MSH3: variants seen among roughly 807,000 people sequenced by gnomAD.
The protein encoded by MSH3 is mutS homolog 3.
In MSH3, 106 loss-of-function variants were observed where a neutral mutation model predicts 123.3. The ratio of observed to expected loss-of-function variants is 0.86; its 90% CI spans 0.73 to 1.01. The LOEUF is 1.01. Ranked by LOEUF, MSH3 falls within the 50% of genes least tolerant of loss-of-function variation. The probability of loss-of-function intolerance (pLI) is 0.00; values close to 1 mark genes in which losing one functional copy is unlikely to be tolerated. For missense variants in MSH3, 1,459 were observed against 1,347.6 expected, an observed-to-expected ratio of 1.08 and a Z score of -1.29; for synonymous variants, 515 against 481.4, an observed-to-expected ratio of 1.07 and a Z score of -0.91.
intron 2 of MSH3, among the ~76,000 whole-genome samples, chr5:80,658,818 G>C (rs990864960): frequency 1.3e-5 from 2 of 152,012 alleles, no homozygotes; most frequent in Non-Finnish European, 2.9e-5. Flanking sequence ...GATTGGTCTT[G>C]AATTCCTGGT....
intron 12 of MSH3, among the ~76,000 whole-genome samples, chr5:80,754,709 T>C (rs1743893633): frequency 6.6e-6 from 1 of 152,186 alleles, no homozygotes; most frequent in East Asian, 1.9e-4. Context: ...TGTTAGGAAA[T>C]AGATCTTTGA....
intron 20 of MSH3, among the ~76,000 whole-genome samples, chr5:80,830,729 C>A (rs1399037260): frequency 4.6e-5 from 7 of 152,174 alleles, no homozygotes; most frequent in Non-Finnish European, 7.3e-5. Flanking sequence ...AAGGAAAATA[C>A]CTGTGTCCTT....
chr5:80,822,923 A>C (rs888368046), intron 20 of MSH3, among the ~76,000 whole-genome samples: 21 of 152,212 alleles, frequency 1.4e-4, no homozygotes, highest in African/African-American at 4.8e-4. Flanking sequence ...GTGAAAGAAC[A>C]ACCACCAAAT....
At chr5:80,727,017 G>A (rs1226787902) in intron 9 of MSH3, among the ~76,000 whole-genome samples, 1 of 152,238 alleles carries the variant, frequency 6.6e-6, no homozygotes, top group Non-Finnish European at 1.5e-5. Flanking sequence ...CATCAAGTGA[G>A]CGTAAGCGCC....
At chr5:80,676,392 C>T (rs577682386) in intron 7 of MSH3, among the ~76,000 whole-genome samples, 4 of 152,146 alleles carry the variant, frequency 2.6e-5, no homozygotes, top group East Asian at 1.9e-4. Flanking sequence ...TACAGACTTA[C>T]GTGGACTCTG....
In MSH3 at chr5:80,814,556, C is replaced by A. The variant is rs1394392071; in HGVS notation, c.2813+815C>A. On this transcript the variant is annotated intron_variant, in intron 20 of 23. Transcript: ENST00000265081. ...CAAGTGCTGGGATTATAGGCGTGAGCCACCACACCCAGCTGAGTTCTTATT... is the reference window on the plus strand; with the variant it reads ...CAAGTGCTGGGATTATAGGCGTGAGACACCACACCCAGCTGAGTTCTTATT... Among the ~76,000 whole-genome samples the A allele has an allele frequency of 2.6e-5, 4 of 152,226 alleles. No homozygotes were observed. The East Asian group carries it at 7.7e-4, about 29-fold the overall frequency.
chr5:80,771,592 A>AT (rs1744214354), intron 15 of MSH3, among the ~76,000 whole-genome samples: 1 of 152,126 alleles, frequency 6.6e-6, no homozygotes, highest in Non-Finnish European at 1.5e-5. Flanking sequence ...GGCAGGGTGG[A>AT]AAACCCTTAT....
At chr5:80,794,047 G>T (rs552968517) in intron 19 of MSH3, among the ~76,000 whole-genome samples, 12 of 152,154 alleles carry the variant, frequency 7.9e-5, no homozygotes, top group Non-Finnish European at 1.6e-4. Context: ...GTGAGGTGTG[G>T]TTATTTGAAA....
At chr5:80,837,508 G>A (rs114292131) in intron 20 of MSH3, among the ~76,000 whole-genome samples, 300 of 152,258 alleles carry the variant, frequency 2.0e-3, no homozygotes, top group Non-Finnish European at 3.3e-3. Context: ...AACCTGGGAG[G>A]TTGAGGCTGC....
chr5:80,845,190 G>A (rs756139265), intron 20 of MSH3, among the ~76,000 whole-genome samples: 2 of 152,136 alleles, frequency 1.3e-5, no homozygotes, highest in African/African-American at 2.4e-5. Context: ...GAGATTCTGG[G>A]TTGAAAATTC....
At chr5:80,802,683 A>G (rs935889237) in intron 19 of MSH3, among the ~76,000 whole-genome samples, 3 of 152,122 alleles carry the variant, frequency 2.0e-5, no homozygotes, top group African/African-American at 7.2e-5. Context: ...GTATGTAACT[A>G]TATGTTTGTA....
chr5:80,683,127 C>G (rs146854555), intron 8 of MSH3, among the ~76,000 whole-genome samples: 1 of 152,254 alleles, frequency 6.6e-6, no homozygotes, highest in East Asian at 1.9e-4. Context: ...CCTGGGTGCT[C>G]GCAAATCTTA....
chr5:80,808,254 T>G (rs1744933781), intron 19 of MSH3, among the ~76,000 whole-genome samples: 1 of 152,212 alleles, frequency 6.6e-6, no homozygotes, highest in African/African-American at 2.4e-5. Flanking sequence ...TTCCTTTTGG[T>G]TTTCCTTGTG....
intron 20 of MSH3, among the ~76,000 whole-genome samples, chr5:80,838,577 A>G (rs1323247586): frequency 6.6e-6 from 1 of 152,208 alleles, no homozygotes; most frequent in African/African-American, 2.4e-5. Flanking sequence ...CCTATATTAA[A>G]TCAGTTTTTG....
chr5:80,865,002 T>C, intron 22 of MSH3, 60 bp downstream of exon 22: 1 of 1,525,648 alleles, frequency 6.6e-7, no homozygotes, highest in Non-Finnish European at 9.1e-7. Flanking sequence ...AACTCAAAGT[T>C]TGTTGGAACA....
chr5:80,775,557 A>G (rs1046436047), intron 15 of MSH3, 137 bp from the exon 16 acceptor site: 20 of 623,850 alleles, frequency 3.2e-5, no homozygotes, highest in Non-Finnish European at 5.4e-5. Flanking sequence ...TGACATATAT[A>G]CAGTCTGAAA....
intron 17 of MSH3, among the ~76,000 whole-genome samples, chr5:80,785,320 A>G (rs138319844): frequency 6.6e-6 from 1 of 152,188 alleles, no homozygotes; most frequent in African/African-American, 2.4e-5. Flanking sequence ...CCGTGGTCAG[A>G]CGCGTTACCC....
intron 22 of MSH3, among the ~76,000 whole-genome samples, chr5:80,870,025 G>C (rs1746184549): frequency 1.3e-5 from 2 of 150,606 alleles, no homozygotes; most frequent in South Asian, 4.2e-4. Flanking sequence ...AATACAAAAA[G>C]TAGCCGGGCA....
intron 12 of MSH3, among the ~76,000 whole-genome samples, chr5:80,744,982 G>A (rs1251860144): frequency 6.6e-6 from 1 of 152,182 alleles, no homozygotes; most frequent in Non-Finnish European, 1.5e-5. Flanking sequence ...AGGGGACTAA[G>A]TGGTAGTAGT....
Sources: gnomAD v4.1 joint callset for allele counts (sites outside exome capture counted in the v4.1 genomes callset) on GRCh38, gnomAD v4.1.1 for gene constraint, MANE v1.5 for transcripts, NCBI Gene and HGNC (gene_info 2026-07-23, HGNC 2026-07-21) for gene names.